The following CDK5RAP2 variants were observed in gnomAD, a reference collection of about 807,000 sequenced individuals.
The protein encoded by CDK5RAP2 is CDK5 regulatory subunit associated protein 2, also known as CDK5 regulatory subunit-associated protein 2.
A neutral mutation model predicts 232.9 loss-of-function variants in CDK5RAP2; 147 were observed. The ratio of observed to expected loss-of-function variants is 0.63; its 90% confidence interval spans 0.55 to 0.72. CDK5RAP2 has a LOEUF of 0.72. Ranked by LOEUF, CDK5RAP2 falls within the 30% of genes least tolerant of loss-of-function variation. CDK5RAP2 has a pLI of 0.00. For synonymous variants in CDK5RAP2, 833 were observed against 833.7 expected (o/e 1.00, Z 0.01); for missense variants, 2,195 against 2,231.5 (o/e 0.98, Z 0.33).
At chr9:120,540,232 G>C (rs1250933605) in intron 5 of CDK5RAP2, among the ~76,000 whole-genome samples, 1 of 152,208 alleles carries the variant, frequency 6.6e-6, no homozygotes, top group African/African-American at 2.4e-5. Context: ...TGTATGAGCA[G>C]TCCTCGTCAG....
At chr9:120,504,912 C>T (rs149210373) in intron 12 of CDK5RAP2, among the ~76,000 whole-genome samples, 1 of 152,292 alleles carries the variant, frequency 6.6e-6, no homozygotes, top group East Asian at 1.9e-4. Context: ...TTCCACAAGG[C>T]CCAATTTGAT....
chr9:120,423,072 A>G (rs185718567), intron 25 of CDK5RAP2, among the ~76,000 whole-genome samples: 1 of 152,372 alleles, frequency 6.6e-6, no homozygotes, highest in East Asian at 1.9e-4. Context: ...GGAATCAAAA[A>G]AAGATCAATA....
At chr9:120,499,921 C>T (rs1157367054) in intron 12 of CDK5RAP2, among the ~76,000 whole-genome samples, 1 of 152,080 alleles carries the variant, frequency 6.6e-6, no homozygotes, top group East Asian at 1.9e-4. Context: ...ACTATATGGC[C>T]TACAAAGAGC....
chr9:120,570,457 C>T (rs1053818584), intron 2 of CDK5RAP2, among the ~76,000 whole-genome samples: 10 of 152,222 alleles, frequency 6.6e-5, no homozygotes. Flanking sequence ...TGTCTGTCTT[C>T]TCAGCTTAAC....
intron 31 of CDK5RAP2, chr9:120,408,052 G>C: frequency 2.1e-5 from 9 of 434,502 alleles, no homozygotes; most frequent in South Asian, 1.9e-4. Flanking sequence ...ATGTTTTACA[G>C]AGATAGGTAT....
chr9:120,540,155 A>C (rs2041568062), intron 5 of CDK5RAP2, among the ~76,000 whole-genome samples: 1 of 152,190 alleles, frequency 6.6e-6, no homozygotes, highest in South Asian at 2.1e-4. Flanking sequence ...GGCACGCCCA[A>C]ATCAGACGCA....
intron 12 of CDK5RAP2, among the ~76,000 whole-genome samples, chr9:120,503,281 A>G (rs921937487): frequency 2.6e-5 from 4 of 152,200 alleles, no homozygotes. Context: ...ATGGGGCAGA[A>G]CCAAGCACCT....
chr9:120,524,502 G>A (rs538054256), intron 11 of CDK5RAP2, among the ~76,000 whole-genome samples: 3 of 152,238 alleles, frequency 2.0e-5, no homozygotes, highest in Non-Finnish European at 4.4e-5. Flanking sequence ...TTAGCCAGGC[G>A]TGGTGGTGGG....
At chr9:120,530,792 G>A (rs181585184) in intron 7 of CDK5RAP2, among the ~76,000 whole-genome samples, 2 of 146,586 alleles carry the variant, frequency 1.4e-5, no homozygotes, top group African/African-American at 5.1e-5. Flanking sequence ...TCACTCATAG[G>A]TGGGAATTGA....
chr9:120,455,195 G>T (rs1438269734), intron 20 of CDK5RAP2, among the ~76,000 whole-genome samples: 1 of 152,138 alleles, frequency 6.6e-6, no homozygotes, highest in Non-Finnish European at 1.5e-5. Context: ...CCCAGACTGG[G>T]GGTGGCAGGG....
intron 7 of CDK5RAP2, among the ~76,000 whole-genome samples, chr9:120,532,887 G>A (rs1250266393): frequency 2.0e-5 from 3 of 152,088 alleles, no homozygotes; most frequent in Non-Finnish European, 4.4e-5. Flanking sequence ...GTAAGTACTT[G>A]ATACACGTTA....
At chr9:120,579,866 C>T (rs2043177334) in intron 1 of CDK5RAP2, 54 bp downstream of exon 1, 23 of 1,447,874 alleles carry the variant, frequency 1.6e-5, no homozygotes, top group Non-Finnish European at 2.2e-5. Context: ...GAACGAAATC[C>T]CACCAGCTGG....
intron 28 of CDK5RAP2, among the ~76,000 whole-genome samples, chr9:120,412,749 T>C (rs146410889): frequency 2.0e-5 from 3 of 152,294 alleles, no homozygotes; most frequent in African/African-American, 4.8e-5. Context: ...TGAATACCTA[T>C]CCTATTCAAA....
At chr9:120,439,289 C>T (rs1488716042) in intron 24 of CDK5RAP2, 110 bp downstream of exon 24, 4 of 987,134 alleles carry the variant, frequency 4.1e-6, no homozygotes, top group African/African-American at 3.2e-5. Flanking sequence ...CCCCAGAACA[C>T]ACTCTACCCA....
At chr9:120,473,562 C>A (rs2037839737) in intron 15 of CDK5RAP2, among the ~76,000 whole-genome samples, 1 of 152,218 alleles carries the variant, frequency 6.6e-6, no homozygotes, top group South Asian at 2.1e-4. Flanking sequence ...ACCATTATGT[C>A]TAATCTTCTA....
At chr9:120,562,358 G>A (rs575922854) in intron 3 of CDK5RAP2, among the ~76,000 whole-genome samples, 159 of 152,254 alleles carry the variant, frequency 1.0e-3, no homozygotes, top group Admixed American at 5.9e-3. Flanking sequence ...AACTCAGAGC[G>A]TTCAATCCAG....
At chr9:120,477,153 C>A (rs1332474950) in intron 15 of CDK5RAP2, among the ~76,000 whole-genome samples, 197 bp downstream of exon 15, 1 of 152,162 alleles carries the variant, frequency 6.6e-6, no homozygotes, top group Non-Finnish European at 1.5e-5. Context: ...AAAAATCAGA[C>A]AATTCTTGAT....
At chr9:120,480,845 AGT>A (rs534587700) in intron 14 of CDK5RAP2, among the ~76,000 whole-genome samples, 40 of 152,338 alleles carry the variant, frequency 2.6e-4, no homozygotes, top group African/African-American at 8.4e-4. Flanking sequence ...ATGATAAGTT[AGT>A]CATCCAGACT....
rs541249158 is a variant in CDK5RAP2, at chr9:120,389,727, C to T, written c.5625+14G>A. The T allele has an allele frequency of 3.7e-6, 6 of 1,613,760 alleles. No homozygotes were observed. The highest frequency in any genetic ancestry group is 5.1e-6 in the Non-Finnish European group (6 of 1,179,636). ...CTTCCACTGGCCTGCAGTGAAAAGA[C>T]TCAAAGGGCATACCTCCAGGTTTCC... On this transcript the variant is annotated intron_variant, in intron 37 of 37. Coordinates refer to ENST00000349780, the MANE Select transcript of CDK5RAP2 (RefSeq NM_018249.6).
Sources: allele counts gnomAD v4.1 joint callset (sites outside exome capture counted in the v4.1 genomes callset), GRCh38; gene constraint gnomAD v4.1.1; transcripts MANE v1.5; gene names NCBI Gene and HGNC (gene_info 2026-07-23, HGNC 2026-07-21).